Variants in WWOX observed in about 807,000 individuals in gnomAD.
WWOX encodes the protein WW domain containing oxidoreductase, also known as WW domain-containing oxidoreductase.
Under a neutral mutation model 46.2 loss-of-function variants are expected in WWOX, and 69 were observed. The ratio of observed to expected loss-of-function variants is 1.49; its 90% CI spans 1.23 to 1.82. The LOEUF is 1.82. WWOX is among the 40% of genes most tolerant of loss of function. The pLI is 0.00. For missense variants in WWOX, 919 were observed against 542.6 expected, an observed-to-expected ratio of 1.69 and a Z score of -6.89; for synonymous variants, 359 against 202.6, an observed-to-expected ratio of 1.77 and a Z score of -6.56.
At chr16:79,210,580 C>T (rs151076485) in intron 8 of WWOX, among the ~76,000 whole-genome samples, 1 of 152,176 alleles carries the variant, frequency 6.6e-6, no homozygotes, top group Non-Finnish European at 1.5e-5. Flanking sequence ...TCCCTCTCAT[C>T]AGCTGAAAAT....
chr16:78,717,606 T>C (rs1354395135), intron 8 of WWOX, among the ~76,000 whole-genome samples: 1 of 152,154 alleles, frequency 6.6e-6, no homozygotes, highest in Non-Finnish European at 1.5e-5. Context: ...TGGGTTTTGA[T>C]GAATGAATAG....
intron 8 of WWOX, among the ~76,000 whole-genome samples, chr16:78,441,171 C>G (rs1194748314): frequency 6.6e-6 from 1 of 152,066 alleles, no homozygotes; most frequent in African/African-American, 2.4e-5. Flanking sequence ...TCAAACCTGC[C>G]TCAGCCTCCC....
At chr16:78,119,789 T>G (rs755084508) in intron 4 of WWOX, among the ~76,000 whole-genome samples, 34 of 152,104 alleles carry the variant, frequency 2.2e-4, no homozygotes, top group South Asian at 8.3e-4. Flanking sequence ...ATGAACAAAT[T>G]AGATATTTTC....
At chr16:78,684,540 A>G (rs1461544437) in intron 8 of WWOX, among the ~76,000 whole-genome samples, 1 of 152,164 alleles carries the variant, frequency 6.6e-6, no homozygotes, top group African/African-American at 2.4e-5. Flanking sequence ...TGATGCAAGC[A>G]TGCCCGCTGG....
At chr16:79,098,930 G>T (rs983584003) in intron 8 of WWOX, among the ~76,000 whole-genome samples, 4 of 152,172 alleles carry the variant, frequency 2.6e-5, no homozygotes, top group African/African-American at 9.7e-5. Context: ...ACCTGAGACT[G>T]GGTAATTCAT....
intron 8 of WWOX, among the ~76,000 whole-genome samples, chr16:78,632,364 C>G (rs1357174038): frequency 2.6e-5 from 4 of 152,024 alleles, no homozygotes; most frequent in African/African-American, 2.4e-5. Context: ...GTATCAGAGT[C>G]ATTATTGAGT....
intron 8 of WWOX, among the ~76,000 whole-genome samples, chr16:78,594,991 C>T (rs1290336631): frequency 1.3e-5 from 2 of 152,178 alleles, no homozygotes; most frequent in African/African-American, 4.8e-5. Flanking sequence ...CTGTTGAAGA[C>T]TTGTGGAAAA....
intron 8 of WWOX, among the ~76,000 whole-genome samples, chr16:78,852,411 A>G (rs1017773747): frequency 2.6e-4 from 39 of 152,200 alleles, no homozygotes; most frequent in Admixed American, 6.5e-5. Flanking sequence ...TGTTGCGAGG[A>G]TACTCAAACA....
intron 8 of WWOX, among the ~76,000 whole-genome samples, chr16:79,035,821 G>A (rs2047855444): frequency 6.6e-6 from 1 of 152,178 alleles, no homozygotes; most frequent in African/African-American, 2.4e-5. Context: ...TGGCCAAGTT[G>A]GTGCTGTGAA....
Position 79,212,230 on chromosome 16 carries a change from T to C in WWOX, c.*434T>C. 1 of 1,379,912 alleles carries C rather than the reference T, an allele frequency of 7.2e-7. No homozygotes were observed. Among genetic ancestry groups the C allele is most frequent in the Non-Finnish European group, 9.5e-7 (1 of 1,047,850 alleles). 85.5% of individuals were successfully genotyped at this position (1,379,912 alleles called of 1,614,324 possible). A position where few individuals can be genotyped will look rare whatever the true frequency, so the allele number is the denominator to read the frequency against. ...GGAAGAAAAAGCAAGTGTTCACTGC[T>C]CCTTGCTGCATTGATCCAGGAGATA... On this transcript the variant is annotated 3_prime_UTR_variant, in exon 9 of 9. Transcript: ENST00000566780.
chr16:78,147,639 G>A (rs999202752), intron 4 of WWOX, among the ~76,000 whole-genome samples: 5 of 146,400 alleles, frequency 3.4e-5, no homozygotes, highest in South Asian at 4.3e-4. Context: ...AATGGTGAGA[G>A]CCAAGGTCAA....
chr16:78,732,414 G>T (rs78470808), intron 8 of WWOX, among the ~76,000 whole-genome samples: 3,247 of 152,218 alleles, frequency 0.021, 110 homozygotes, highest in African/African-American at 0.075. Context: ...GTCAGCTTCA[G>T]TCATCAGATA....
intron 8 of WWOX, among the ~76,000 whole-genome samples, chr16:79,166,796 G>C (rs1053133147): frequency 6.6e-6 from 1 of 152,082 alleles, no homozygotes; most frequent in Non-Finnish European, 1.5e-5. Context: ...TATATATCTT[G>C]TTAATAGTAG....
chr16:78,128,118 G>GTA (rs1483885897), intron 4 of WWOX, among the ~76,000 whole-genome samples: 1 of 152,190 alleles, frequency 6.6e-6, no homozygotes, highest in East Asian at 1.9e-4. Flanking sequence ...GGAAGATTAG[G>GTA]GTTGGAAGAA....
chr16:78,355,589 AG>A, intron 5 of WWOX: 1 of 505,138 alleles, frequency 2.0e-6, no homozygotes, highest in South Asian at 1.7e-5. Context: ...CCTGGATCTT[AG>A]GCTCAGCCCA....
At chr16:78,367,696 AG>A (rs1310687635) in intron 5 of WWOX, among the ~76,000 whole-genome samples, 1 of 151,992 alleles carries the variant, frequency 6.6e-6, no homozygotes, top group Non-Finnish European at 1.5e-5. Flanking sequence ...CTGTTTTGGA[AG>A]GAGAATTGAC....
At chr16:78,603,505 G>A (rs1049120278) in intron 8 of WWOX, among the ~76,000 whole-genome samples, 3 of 152,260 alleles carry the variant, frequency 2.0e-5, no homozygotes, top group Admixed American at 6.5e-5. Flanking sequence ...GACCAGCCTG[G>A]CCAACATGGT....
chr16:78,637,987 T>G (rs1332451305), intron 8 of WWOX, among the ~76,000 whole-genome samples: 1 of 152,184 alleles, frequency 6.6e-6, no homozygotes, highest in Non-Finnish European at 1.5e-5. Context: ...CACTTTCAAC[T>G]TGCTCACCTG....
chr16:78,608,586 C>G (rs2045821102), intron 8 of WWOX, among the ~76,000 whole-genome samples: 1 of 152,174 alleles, frequency 6.6e-6, no homozygotes, highest in Admixed American at 6.5e-5. Flanking sequence ...GTAAGTTCGT[C>G]AGACTTCTGC....
Sources: gnomAD v4.1 joint callset for allele counts (sites outside exome capture counted in the v4.1 genomes callset) on GRCh38, gnomAD v4.1.1 for gene constraint, MANE v1.5 for transcripts, NCBI Gene and HGNC (gene_info 2026-07-23, HGNC 2026-07-21) for gene names.